TJP1: variants seen among roughly 807,000 people sequenced by gnomAD.
TJP1 encodes tight junction protein ZO-1.
In TJP1, 43 loss-of-function variants were observed where a neutral mutation model predicts 194.2. That is an observed-to-expected ratio of 0.22 (90% CI 0.17 to 0.29). The LOEUF is 0.29. TJP1 is among the 10% of genes least tolerant of loss of function. The pLI, the probability that TJP1 is intolerant of heterozygous loss-of-function variation, is 1.00. For synonymous variants in TJP1, 801 were observed against 779.0 expected (o/e 1.03, Z -0.47); for missense variants, 1,971 against 2,185.7 (o/e 0.90, Z 1.96).
At chr15:29,738,485 T>A (rs761653168) in intron 10 of TJP1, among the ~76,000 whole-genome samples, 3 of 152,140 alleles carry the variant, frequency 2.0e-5, no homozygotes, top group African/African-American at 7.2e-5. Context: ...TCATTTCTGA[T>A]TGGGTTACCT....
At position 29,887,013 on chromosome 15, in the gene TJP1, A is replaced by C. The variant is rs147272357; in HGVS notation, c.306+69219T>G. On this transcript the variant is annotated intron_variant, in intron 2 of 28. Coordinates refer to the TJP1 transcript ENST00000356107. ...CCACAACATGTAAGCCGTGTGGCACAGACAGAAGGACAGGCAAGCAGAACA... is the reference window on the plus strand; with the variant it reads ...CCACAACATGTAAGCCGTGTGGCACCGACAGAAGGACAGGCAAGCAGAACA... Among the ~76,000 whole-genome samples, 534 of 152,156 alleles carry C rather than the reference A, an allele frequency of 3.5e-3. 3 individuals are homozygous for C. The highest frequency in any genetic ancestry group is 7.1e-3 in the Admixed American group (109 of 15,276).
chr15:29,887,744 A>G (rs1441466916), intron 2 of TJP1, among the ~76,000 whole-genome samples: 2 of 152,252 alleles, frequency 1.3e-5, no homozygotes, highest in Non-Finnish European at 2.9e-5. Context: ...AATACACTTA[A>G]ATGCAAACAC....
chr15:29,795,044 C>A (rs1211577876), intron 2 of TJP1, among the ~76,000 whole-genome samples: 3 of 152,044 alleles, frequency 2.0e-5, no homozygotes, highest in Non-Finnish European at 4.4e-5. Context: ...ATAGAACCAT[C>A]CAAAATTAAA....
At chr15:29,943,504 T>C (rs2055159303) in intron 2 of TJP1, among the ~76,000 whole-genome samples, 3 of 151,510 alleles carry the variant, frequency 2.0e-5, no homozygotes, top group African/African-American at 4.9e-5. Flanking sequence ...GGCGTGCGCC[T>C]GTAATCTCAG....
intron 1 of TJP1, among the ~76,000 whole-genome samples, chr15:29,963,660 CT>C (rs1312336831): frequency 6.6e-6 from 1 of 151,962 alleles, no homozygotes; most frequent in African/African-American, 2.4e-5. Flanking sequence ...ACTGTAAATA[CT>C]TTTTTCTTTT....
chr15:29,791,413 CTTTTTTTTT>C (rs34201715), intron 2 of TJP1, among the ~76,000 whole-genome samples: 3 of 51,190 alleles, frequency 5.9e-5, no homozygotes, highest in Non-Finnish European at 1.0e-4. Flanking sequence ...CCATAATATT[CTTTTTTTTT>C]TTTTTTTTTT....
intron 23 of TJP1, among the ~76,000 whole-genome samples, chr15:29,712,241 C>A (rs979402044): frequency 6.6e-6 from 1 of 152,126 alleles, no homozygotes; most frequent in Non-Finnish European, 1.5e-5. Flanking sequence ...TTTTATCTTG[C>A]TTTCATGAAT....
chr15:29,897,805 T>G (rs909452006), intron 2 of TJP1, among the ~76,000 whole-genome samples: 1 of 152,256 alleles, frequency 6.6e-6, no homozygotes, highest in African/African-American at 2.4e-5. Context: ...ACATGGGGCC[T>G]GTAGCCCCTT....
intron 1 of TJP1, among the ~76,000 whole-genome samples, chr15:29,962,828 C>T (rs2056206087): frequency 6.6e-6 from 1 of 152,126 alleles, no homozygotes; most frequent in Non-Finnish European, 1.5e-5. Flanking sequence ...TGCACAACTG[C>T]CAATAATTAG....
chr15:29,771,395 C>T (rs1191696900), intron 4 of TJP1, among the ~76,000 whole-genome samples: 1 of 152,128 alleles, frequency 6.6e-6, no homozygotes, highest in East Asian at 1.9e-4. Flanking sequence ...AAGGTAAATA[C>T]AGTACTATAA....
At chr15:29,880,898 A>C (rs1448767763) in intron 2 of TJP1, among the ~76,000 whole-genome samples, 1 of 152,230 alleles carries the variant, frequency 6.6e-6, no homozygotes, top group Non-Finnish European at 1.5e-5. Context: ...ATGCCGCAAC[A>C]AACATGGGAG....
rs2055964732 is a variant in TJP1, at chr15:29,956,886, A to G, written c.174-522T>C. ...ATAAGAGTAAGACCCTGTCTCATTTATAAGGTTTTTTTTTAAAAAAAGATT... is the reference window on the plus strand; with the variant it reads ...ATAAGAGTAAGACCCTGTCTCATTTGTAAGGTTTTTTTTTAAAAAAAGATT... On this transcript the variant is annotated intron_variant, in intron 1 of 28. Transcript: ENST00000356107. Among the ~76,000 whole-genome samples, 7 of 124,746 alleles carry G rather than the reference A, an allele frequency of 5.6e-5. No individual in the cohort carries two copies. The South Asian group carries it at 1.7e-3, about 30-fold the overall frequency. 81.8% of individuals were successfully genotyped at this position (124,746 alleles called of 152,430 possible).
At chr15:29,776,251 C>T (rs1006024206) in intron 2 of TJP1, among the ~76,000 whole-genome samples, 1 of 152,016 alleles carries the variant, frequency 6.6e-6, no homozygotes, top group Non-Finnish European at 1.5e-5. Flanking sequence ...ATAATATATC[C>T]TATTAATAAA....
intron 1 of TJP1, among the ~76,000 whole-genome samples, chr15:29,818,751 C>T (rs1031056010): frequency 1.1e-4 from 17 of 148,420 alleles, no homozygotes; most frequent in Non-Finnish European, 2.2e-4. Context: ...CTCCTGACGT[C>T]GTGATCCGCC....
chr15:29,783,451 G>A lies in TJP1; in HGVS notation c.85-10094C>T, dbSNP rs139614687. Among the ~76,000 whole-genome samples, 756 of 152,192 alleles carry A rather than the reference G, an allele frequency of 5.0e-3. 6 individuals are homozygous for A. The highest frequency in any genetic ancestry group is 0.017 in the African/African-American group (701 of 41,502). ...AGAGCTAAAAAGAAAACTACCATTCGAGCCAGCAATCCCATTACTGGGTAT... is the reference window on the plus strand; with the variant it reads ...AGAGCTAAAAAGAAAACTACCATTCAAGCCAGCAATCCCATTACTGGGTAT... On this transcript the variant is annotated intron_variant, in intron 2 of 27. Transcript: ENST00000614355.
At chr15:29,893,832 A>AC in intron 2 of TJP1, among the ~76,000 whole-genome samples, 1 of 152,056 alleles carries the variant, frequency 6.6e-6, no homozygotes, top group South Asian at 2.1e-4. Context: ...AACCCACAAC[A>AC]CCCCCAAGAT....
intron 18 of TJP1, 111 bp from the exon 19 acceptor site, chr15:29,720,819 T>C (rs117497642): frequency 3.4e-6 from 3 of 870,094 alleles, no homozygotes; most frequent in East Asian, 2.7e-5. Flanking sequence ...AAGTCACATC[T>C]ACTTCTTGAA....
At chr15:29,737,682 A>T (rs1214651934) in intron 10 of TJP1, among the ~76,000 whole-genome samples, 1 of 152,210 alleles carries the variant, frequency 6.6e-6, no homozygotes, top group Non-Finnish European at 1.5e-5. Context: ...TTTGTAAAAC[A>T]ATGTTTTCTC....
At position 29,700,453 on chromosome 15, in the gene TJP1, T is replaced by C; in HGVS notation, c.*1142A>G. The C allele has an allele frequency of 5.0e-6, 2 of 398,520 alleles. No individual in the cohort carries two copies. 24.7% of individuals were successfully genotyped at this position (398,520 alleles called of 1,614,324 possible). On this transcript the variant is annotated 3_prime_UTR_variant, in exon 28 of 28. Coordinates refer to ENST00000614355, the MANE Select transcript of TJP1 (RefSeq NM_001330239.4). ...TAACAACTCTGTGCATCCTTTTTCT[T>C]AAAAAAAATGACCTTGCATGTGTCA... is the stretch of plus-strand genomic sequence containing the variant.
Sources: gnomAD v4.1 joint callset for allele counts (sites outside exome capture counted in the v4.1 genomes callset) on GRCh38, gnomAD v4.1.1 for gene constraint, MANE v1.5 for transcripts, NCBI Gene and HGNC (gene_info 2026-07-23, HGNC 2026-07-21) for gene names.